The following PPP1R13L variants were observed in gnomAD, a reference collection of about 807,000 sequenced individuals.
PPP1R13L encodes the protein relA-associated inhibitor.
In PPP1R13L, 50 loss-of-function variants were observed where a neutral mutation model predicts 80.9. That is an observed-to-expected ratio of 0.62 (90% CI 0.49 to 0.78). PPP1R13L has a LOEUF of 0.78. Ranked by LOEUF, PPP1R13L falls within the 30% of genes least tolerant of loss-of-function variation. PPP1R13L has a pLI of 0.00. For missense variants in PPP1R13L, 1,200 were observed against 1,205.9 expected, an observed-to-expected ratio of 1.00 and a Z score of 0.07; for synonymous variants, 602 against 534.3, an observed-to-expected ratio of 1.13 and a Z score of -1.75.
intron 8 of PPP1R13L, among the ~76,000 whole-genome samples, chr19:45,386,726 C>T (rs1234337105): frequency 1.3e-5 from 2 of 151,270 alleles, no homozygotes; most frequent in East Asian, 3.9e-4. Flanking sequence ...CCCTCCATCC[C>T]CCAGGTTCAA....
intron 1 of PPP1R13L, among the ~76,000 whole-genome samples, chr19:45,404,697 C>A (rs1248383271): frequency 1.3e-5 from 2 of 152,188 alleles, no homozygotes; most frequent in Non-Finnish European, 2.9e-5. Flanking sequence ...GATTCGAACC[C>A]CTATACTACC....
At position 45,382,771 on chromosome 19, in the gene PPP1R13L, G is replaced by T. The variant is rs776432470; in HGVS notation, c.2249-45C>A. ...GGAAGGTGAGAGCCTGGCCCAGGGGGTCCAGGAACAGGGGCCACGTGGGGT... is the reference window on the plus strand; with the variant it reads ...GGAAGGTGAGAGCCTGGCCCAGGGGTTCCAGGAACAGGGGCCACGTGGGGT... On this transcript the variant is annotated intron_variant, in intron 11 of 12. Transcript: ENST00000360957. 38 of 1,602,726 alleles carry T rather than the reference G, an allele frequency of 2.4e-5. 2 individuals are homozygous for T. The South Asian group carries it at 4.1e-4, about 17-fold the overall frequency.
intron 8 of PPP1R13L, among the ~76,000 whole-genome samples, chr19:45,389,844 G>A (rs1972935277): frequency 6.6e-6 from 1 of 151,882 alleles, no homozygotes; most frequent in African/African-American, 2.4e-5. Context: ...CACCCAGGCT[G>A]GAGTGCAGTG....
Position 45,380,108 on chromosome 19 carries a change from G to C in PPP1R13L, c.*82C>G, listed in dbSNP as rs1016495636. ...AGCAGGGTGAGGGGTGCAGATAAAG[G>C]CAGCAAAAAACAGAGGGAGAGGTCT... On this transcript the variant is annotated 3_prime_UTR_variant, in exon 13 of 13. Transcript: ENST00000360957. The C allele has an allele frequency of 9.3e-6, 14 of 1,502,848 alleles. No individual in the cohort carries two copies. In the Admixed American group the frequency reaches 2.4e-4, roughly 25 times the overall value. The allele number at this position is 1,502,848 out of a possible 1,614,324, so 93.1% of individuals were successfully genotyped here. A position where few individuals can be genotyped will look rare whatever the true frequency, so the allele number is the denominator to read the frequency against.
At position 45,380,232 on chromosome 19, in the gene PPP1R13L, G is replaced by A; in HGVS notation, c.2449-4C>T. The A allele has an allele frequency of 6.2e-7, 1 of 1,613,966 alleles. No homozygotes were observed. The highest frequency in any genetic ancestry group is 8.5e-7 in the Non-Finnish European group (1 of 1,179,980). On this transcript the variant is annotated splice_polypyrimidine_tract_variant and splice_region_variant and intron_variant, in intron 12 of 12. Transcript: ENST00000360957. Reference sequence around the variant, plus strand: ...GAGGCTTCACCCTGGGGAACAGCTGGGGAGAGACAGGATCTTCAGACATCA... The same window carrying A: ...GAGGCTTCACCCTGGGGAACAGCTGAGGAGAGACAGGATCTTCAGACATCA...
At chr19:45,397,745 C>A (rs956580580) in intron 3 of PPP1R13L, among the ~76,000 whole-genome samples, 2 of 151,882 alleles carry the variant, frequency 1.3e-5, no homozygotes, top group Non-Finnish European at 2.9e-5. Flanking sequence ...AACCACCGTG[C>A]CCAGCCAGAT....
In PPP1R13L at chr19:45,395,606, G is replaced by T; in HGVS notation, c.1184C>A (p.Ser395Tyr). 3 of 1,473,346 alleles carry T rather than the reference G, an allele frequency of 2.0e-6. No homozygotes were observed. Among genetic ancestry groups the T allele is most frequent in the Non-Finnish European group, 2.7e-6 (3 of 1,115,922 alleles). 91.3% of individuals were successfully genotyped at this position (1,473,346 alleles called of 1,614,324 possible). ...CGGGGGTGCTCGGGTGAAGAGGGGG[G>T]ACCCAGGGAGCATGGCGCGGCTGGC... is the stretch of plus-strand genomic sequence containing the variant. ...HGASRAMLPGSPLFTRAPPPK... is the reference protein window; with the variant it reads ...HGASRAMLPGYPLFTRAPPPK... Residue 395 changes from serine to tyrosine, a missense_variant, in exon 7 of 13, where the codon TCC (serine) becomes TAC (tyrosine). By Grantham distance (144) the Ser-to-Tyr change is moderately radical. Transcript: ENST00000360957.
At position 45,395,822 on chromosome 19, in the gene PPP1R13L, C is replaced by A. The variant is rs749278504; in HGVS notation, c.968G>T (p.Arg323Leu). ...YKVSPLASDR[R>L]SDAGSYRRSL... is the part of the protein sequence containing the mutation. ...GCGCCGGTAGCTGCCCGCGTCTGAA[C>A]GCCGGTCGCTGGCCAGAGGAGAGAC... The change falls in exon 7 of 13, where the codon CGT becomes CTT. Residue 323 changes from arginine to leucine, a missense_variant. Around this residue, in one of 5 missense-constraint regions of PPP1R13L, gnomAD observed 764 missense variants for 714.5 expected, o/e 1.07. Coordinates refer to ENST00000360957, the MANE Select transcript of PPP1R13L (RefSeq NM_006663.4). The A allele has an allele frequency of 3.1e-6, 5 of 1,594,078 alleles. No homozygotes were observed. The highest frequency in any genetic ancestry group is 3.5e-5 in the Admixed American group (2 of 57,116).
intron 11 of PPP1R13L, among the ~76,000 whole-genome samples, chr19:45,384,376 A>AG (rs1478647520): frequency 6.9e-6 from 1 of 145,686 alleles, no homozygotes; most frequent in African/African-American, 2.7e-5. Flanking sequence ...CAAAAAAAAA[A>AG]AAAAAAAAAG....
chr19:45,382,057 A>G (rs934045739), intron 12 of PPP1R13L, among the ~76,000 whole-genome samples: 2 of 151,788 alleles, frequency 1.3e-5, no homozygotes, highest in African/African-American at 4.8e-5. Context: ...CCTGGCCAAC[A>G]TGGTGAAACC....
In PPP1R13L at chr19:45,395,542, T is replaced by C. The variant is rs1488158358; in HGVS notation, c.1248A>G (p.Pro416=). Residue 416 remains proline, a synonymous_variant, in exon 7 of 13, where the codon CCA becomes CCG. Transcript: ENST00000360957. ...LQPQPQPQPQ[P]QSQPQPQLPP... ...GCAGCTGGGGCTGTGGTTGTGATTGTGGCTGGGGCTGTGGTTGTGGTTGGG... is the reference window on the plus strand; with the variant it reads ...GCAGCTGGGGCTGTGGTTGTGATTGCGGCTGGGGCTGTGGTTGTGGTTGGG... The C allele has an allele frequency of 6.8e-7, 1 of 1,478,138 alleles. No homozygotes were observed. The allele number at this position is 1,478,138 out of a possible 1,614,324, so 91.6% of individuals were successfully genotyped here.
chr19:45,399,399 C>CAGAT (rs1973184612), intron 1 of PPP1R13L, among the ~76,000 whole-genome samples: 2 of 142,292 alleles, frequency 1.4e-5, no homozygotes, highest in African/African-American at 5.2e-5. Context: ...CCAAGGAGGG[C>CAGAT]GGATCACGAG....
intron 8 of PPP1R13L, among the ~76,000 whole-genome samples, chr19:45,391,412 GA>G (rs1256997648): frequency 2.5e-4 from 38 of 152,204 alleles, no homozygotes; most frequent in Non-Finnish European, 8.8e-5. Context: ...TTATTGGAGA[GA>G]AGGAGCAGAG....
chr19:45,383,170 A>G (rs1009881792), intron 11 of PPP1R13L, among the ~76,000 whole-genome samples: 3 of 145,392 alleles, frequency 2.1e-5, no homozygotes, highest in Non-Finnish European at 4.5e-5. Context: ...AATTTTTGGT[A>G]TTTTTAGTAG....
chr19:45,396,217 A>G lies in PPP1R13L; in HGVS notation c.854T>C (p.Leu285Pro), dbSNP rs773813198. 1.2e-6 allele frequency: 2 copies of G among 1,612,228 alleles called. No individual in the cohort carries two copies. Among genetic ancestry groups the G allele is most frequent in the Admixed American group, 3.3e-5 (2 of 59,938 alleles). Residue 285 changes from leucine to proline, a missense_variant, in exon 6 of 13, where the codon CTG becomes CCG. Physicochemically the swap from Leu to Pro is moderately conservative, Grantham distance 98. Transcript: ENST00000360957. This position sits in a 1 kb window ranked among gnomAD's most constrained non-coding sequence, Gnocchi z 5.3. ...FARPASPSLQLLPWRESSLDG... is the reference protein window; with the variant it reads ...FARPASPSLQPLPWRESSLDG... The stretch of plus-strand genomic sequence containing the variant: ...CAGGCTGCTCTCCCTCCAAGGCAAC[A>G]GCTGCAGGCTCGGCGAGGCAGGCCT...
rs775288384 is a variant in PPP1R13L at position 45,382,664 on chromosome 19, C to T, written c.2311G>A (p.Ala771Thr). ...GAVYALWDYS[A>T]EFGDELSFRE... ...AAGGACAGCTCGTCCCCGAACTCGG[C>T]GCTGTAGTCCCAGAGAGCGTACACT... The change falls in exon 12 of 13, where the codon GCC becomes ACC. Residue 771 changes from alanine to threonine, a missense_variant. Ala to Thr is a moderately conservative substitution (Grantham distance 58). Coordinates refer to ENST00000360957, the MANE Select transcript of PPP1R13L (RefSeq NM_006663.4). 2 of 1,613,900 alleles carry T rather than the reference C, an allele frequency of 1.2e-6. No homozygotes were observed. The highest frequency in any genetic ancestry group is 1.7e-6 in the Non-Finnish European group (2 of 1,180,050).
In PPP1R13L at chr19:45,391,861, T is replaced by C. The variant is rs753304847; in HGVS notation, c.1815+19A>G. 1 of 1,442,904 alleles carries C rather than the reference T, an allele frequency of 6.9e-7. No individual in the cohort carries two copies. 89.4% of individuals were successfully genotyped at this position (1,442,904 alleles called of 1,614,324 possible). ...ATTCATGTAGCAAACATACCCCGGT[T>C]TCCTCCTGTATTACTTACCATGCTC... On this transcript the variant is annotated intron_variant, in intron 8 of 12. Transcript: ENST00000360957.
chr19:45,391,398 C>T (rs539109538), intron 8 of PPP1R13L, among the ~76,000 whole-genome samples: 26 of 152,292 alleles, frequency 1.7e-4, no homozygotes, highest in Admixed American at 1.6e-3. Context: ...GGCACAGGCA[C>T]AGGTTATTGG....
rs756431805 is a variant in PPP1R13L, at chr19:45,395,544, G to T, written c.1246C>A (p.Pro416Thr). The T allele has an allele frequency of 4.2e-5, 63 of 1,491,468 alleles. No individual in the cohort carries two copies. The Middle Eastern group carries it at 3.2e-3, about 75-fold the overall frequency. 92.4% of individuals were successfully genotyped at this position (1,491,468 alleles called of 1,614,324 possible). ...AGCTGGGGCTGTGGTTGTGATTGTG[G>T]CTGGGGCTGTGGTTGTGGTTGGGGC... ...LQPQPQPQPQ[P>T]QSQPQPQLPP... The change falls in exon 7 of 13, where the codon CCA (proline) becomes ACA (threonine). Residue 416 changes from proline (P) to threonine (T), a missense_variant. Transcript: ENST00000360957.
Sources: gnomAD v4.1 joint callset for allele counts (sites outside exome capture counted in the v4.1 genomes callset) on GRCh38, gnomAD v4.1.1 for gene constraint, gnomAD v4.1.1 regional missense constraint, Gnocchi (gnomAD v3.1) non-coding constraint, MANE v1.5 for transcripts, NCBI Gene and HGNC (gene_info 2026-07-23, HGNC 2026-07-21) for gene names.